The following SEPTIN11 variants were observed in gnomAD, a reference collection of about 807,000 sequenced individuals.
The protein encoded by SEPTIN11 is septin 11, also known as septin-11.
A neutral mutation model predicts 51.4 loss-of-function variants in SEPTIN11; 25 were observed. That is an observed-to-expected ratio of 0.49 (90% CI 0.35 to 0.68). The LOEUF is 0.68. Ranked by LOEUF, SEPTIN11 falls within the 30% of genes least tolerant of loss-of-function variation. The pLI, the probability that SEPTIN11 is intolerant of heterozygous loss-of-function variation, is 0.00. For missense variants in SEPTIN11, 381 were observed against 520.8 expected (o/e 0.73, Z 2.61); for synonymous variants, 174 against 184.1 (o/e 0.95, Z 0.44).
intron 3 of SEPTIN11, among the ~76,000 whole-genome samples, chr4:77,007,211 G>T (rs1177268035): frequency 6.6e-6 from 1 of 152,206 alleles, no homozygotes; most frequent in Non-Finnish European, 1.5e-5. Flanking sequence ...AGTGCATTGT[G>T]GGAGCTGGGA....
chr4:77,006,149 T>C lies in SEPTIN11; in HGVS notation c.338+353T>C, dbSNP rs151183496. 4.4e-3 allele frequency among the ~76,000 whole-genome samples: 674 copies of C among 152,192 alleles called. 16 individuals carry two copies. The highest frequency in any genetic ancestry group is 0.035 in the Admixed American group (540 of 15,278). On this transcript the variant is annotated intron_variant, in intron 3 of 9. Transcript: ENST00000264893. Reference sequence around the variant, plus strand: ...ACCCAGCCACCCTACAGAACAGTTTTAGCAGAAACCCCAGCCATCAATCAC... The same window carrying C: ...ACCCAGCCACCCTACAGAACAGTTTCAGCAGAAACCCCAGCCATCAATCAC...
intron 1 of SEPTIN11, among the ~76,000 whole-genome samples, chr4:76,978,154 C>G (rs907717267): frequency 2.0e-5 from 3 of 152,140 alleles, no homozygotes; most frequent in Non-Finnish European, 4.4e-5. Flanking sequence ...TTAATCTGTA[C>G]TCTCTGGGTT....
chr4:77,001,585 G>T (rs554660716), intron 2 of SEPTIN11, among the ~76,000 whole-genome samples: 2 of 152,078 alleles, frequency 1.3e-5, no homozygotes, highest in African/African-American at 4.8e-5. Context: ...CCTGACCTCA[G>T]GTGATCCGCC....
Position 76,975,274 on chromosome 4 carries a change from G to A in SEPTIN11, c.28-21151G>A, listed in dbSNP as rs148289539. ...TTGCGGACAACATAGAACGTGGTTG[G>A]AAAACTCTTTCTACCATCCCAAAGT... On this transcript the variant is annotated intron_variant, in intron 1 of 9. Transcript: ENST00000264893. Among the ~76,000 whole-genome samples the A allele has an allele frequency of 3.9e-3, 600 of 152,184 alleles. 3 individuals are homozygous for A. Among genetic ancestry groups the A allele is most frequent in the Middle Eastern group, 0.014 (4 of 294 alleles).
intron 2 of SEPTIN11, among the ~76,000 whole-genome samples, chr4:76,997,731 C>T (rs1723820747): frequency 6.6e-6 from 1 of 152,138 alleles, no homozygotes; most frequent in Non-Finnish European, 1.5e-5. Flanking sequence ...TACAGAGTGG[C>T]GTGAATGGGT....
In SEPTIN11 at chr4:76,969,154, C is replaced by T. The variant is rs567291921; in HGVS notation, c.27+19224C>T. On this transcript the variant is annotated intron_variant, in intron 1 of 9. Transcript: ENST00000264893. The stretch of plus-strand genomic sequence containing the variant: ...CAGGCCAACAGAAGCAAGTTGGCGG[C>T]GGGAGCTCTTTTCATGCTCAGTCTT... Among the ~76,000 whole-genome samples, 298 of 152,218 alleles carry T rather than the reference C, an allele frequency of 2.0e-3. 3 individuals are homozygous for T. The highest frequency in any genetic ancestry group is 6.6e-3 in the African/African-American group (276 of 41,530).
Position 77,020,671 on chromosome 4 carries a change from G to T in SEPTIN11, c.953+1G>T. On this transcript the variant is annotated splice_donor_variant, in intron 7 of 9. Transcript: ENST00000264893. LOFTEE classifies it high-confidence loss of function. ...CTGACCCTGACAGCAAACCCTTCAG[G>T]TATGAAGGCATCTAGCAATCAGGTG... The T allele has an allele frequency of 6.2e-7, 1 of 1,613,350 alleles. No homozygotes were observed. Among genetic ancestry groups the T allele is most frequent in the Non-Finnish European group, 8.5e-7 (1 of 1,179,584 alleles).
At chr4:76,986,913 T>C in intron 1 of SEPTIN11, among the ~76,000 whole-genome samples, 1 of 152,192 alleles carries the variant, frequency 6.6e-6, no homozygotes, top group African/African-American at 2.4e-5. Context: ...AATTAAAAGG[T>C]AACATTTCCC....
chr4:77,020,622 T>A lies in SEPTIN11; in HGVS notation c.905T>A (p.Leu302His). The change falls in exon 7 of 10, where the codon CTT (leucine) becomes CAT (histidine). Residue 302 changes from leucine to histidine, a missense_variant. Leu to His is a moderately conservative substitution (Grantham distance 99). Transcript: ENST00000264893. ...TATGAATTGTACCGACGCTGTAAGC[T>A]TGAAGAGATGGGGTTCAAGGACACT... is the stretch of plus-strand genomic sequence containing the variant. ...RHYELYRRCKLEEMGFKDTDP... is the reference protein window; with the variant it reads ...RHYELYRRCKHEEMGFKDTDP... 6.2e-7 allele frequency: 1 copy of A among 1,614,064 alleles called. No homozygotes were observed. The highest frequency in any genetic ancestry group is 8.5e-7 in the Non-Finnish European group (1 of 1,180,002).
At chr4:76,998,919 A>C (rs1334204676) in intron 2 of SEPTIN11, among the ~76,000 whole-genome samples, 2 of 152,132 alleles carry the variant, frequency 1.3e-5, no homozygotes, top group Non-Finnish European at 2.9e-5. Context: ...TTCACTCCAA[A>C]ACATACAAGG....
At chr4:76,955,672 A>G (rs991405350) in intron 1 of SEPTIN11, among the ~76,000 whole-genome samples, 8 of 152,228 alleles carry the variant, frequency 5.3e-5, no homozygotes, top group Admixed American at 5.2e-4. Context: ...ATTCTTCAGG[A>G]TTCAATAGGA....
chr4:76,958,633 A>G (rs958364514), intron 1 of SEPTIN11, among the ~76,000 whole-genome samples: 1 of 152,134 alleles, frequency 6.6e-6, no homozygotes, highest in African/African-American at 2.4e-5. Context: ...ATACTAAGCT[A>G]CTTTGGATGT....
At position 77,030,788 on chromosome 4, in the gene SEPTIN11, C is replaced by T. The variant is rs756552277; in HGVS notation, c.1092C>T (p.His364=). 24 of 1,584,242 alleles carry T rather than the reference C, an allele frequency of 1.5e-5. No homozygotes were observed. Among genetic ancestry groups the T allele is most frequent in the Middle Eastern group, 1.7e-4 (1 of 5,896 alleles). Residue 364 remains histidine (H), a synonymous_variant, in exon 9 of 10, where the codon CAC becomes CAT. Coordinates refer to ENST00000264893, the MANE Select transcript of SEPTIN11 (RefSeq NM_018243.4). ...TGTTTTCTTTTTCTCTCCAGCTTCA[C>T]GAGAAGTTTGACCTTCTAAAGCGGA... The part of the protein sequence containing the change: ...AELKEAEKEL[H]EKFDLLKRTH...
At chr4:77,039,649 A>T (rs940081996), downstream of SEPTIN11, 424 of 514,874 alleles carry the variant, frequency 8.2e-4, 2 homozygotes, top group South Asian at 7.4e-3. Context: ...TGGGGTTTTT[A>T]AAAAAAAAAA....
chr4:76,993,193 C>G (rs747266248), intron 1 of SEPTIN11, among the ~76,000 whole-genome samples: 9 of 152,060 alleles, frequency 5.9e-5, no homozygotes, highest in Non-Finnish European at 1.3e-4. Flanking sequence ...TCAAGCATGG[C>G]TAAGTACTGT....
chr4:76,996,288 A>T lies in SEPTIN11; in HGVS notation c.28-137A>T, dbSNP rs539375703. 4 of 681,680 alleles carry T rather than the reference A, an allele frequency of 5.9e-6. No homozygotes were observed. In the East Asian group the frequency reaches 1.1e-4, roughly 18 times the overall value. 42.2% of individuals were successfully genotyped at this position (681,680 alleles called of 1,614,324 possible). A position where few individuals can be genotyped will look rare whatever the true frequency, so the allele number is the denominator to read the frequency against. ...TTGTTAGTGCCCTCAGCTGTGTAGA[A>T]GCCAAGGCAGCTGTGGAGGGTCTCC... On this transcript the variant is annotated intron_variant, in intron 1 of 9. Transcript: ENST00000264893.
intron 5 of SEPTIN11, among the ~76,000 whole-genome samples, chr4:77,018,294 C>A (rs1255830973): frequency 6.6e-6 from 1 of 152,026 alleles, no homozygotes; most frequent in South Asian, 2.1e-4. Flanking sequence ...ACTAAAAATA[C>A]AAAAATTAGC....
At position 77,028,657 on chromosome 4, in the gene SEPTIN11, A is replaced by G; in HGVS notation, c.982A>G (p.Asn328Asp). 1 of 1,613,064 alleles carries G rather than the reference A, an allele frequency of 6.2e-7. No homozygotes were observed. The highest frequency in any genetic ancestry group is 8.5e-7 in the Non-Finnish European group (1 of 1,179,576). Reference protein sequence around the residue: ...SLQETYEAKRNEFLGELQKKE... With the variant: ...SLQETYEAKRDEFLGELQKKE... Reference sequence around the variant, plus strand: ...TCAGGAGACATATGAAGCAAAAAGGAATGAATTCCTGGGAGAACTGCAGAA... The same window carrying G: ...TCAGGAGACATATGAAGCAAAAAGGGATGAATTCCTGGGAGAACTGCAGAA... The change falls in exon 8 of 10, where the codon AAT becomes GAT. Residue 328 changes from asparagine (N) to aspartate (D), a missense_variant. Around this residue, in one of 2 missense-constraint regions of SEPTIN11, gnomAD observed 197 missense variants for 313.1 expected, o/e 0.63. Transcript: ENST00000264893.
At chr4:77,011,642 C>A in intron 3 of SEPTIN11, 93 bp from the exon 4 acceptor site, 1 of 1,218,942 alleles carries the variant, frequency 8.2e-7, no homozygotes, top group Non-Finnish European at 1.2e-6. Flanking sequence ...TGGGCTTTAG[C>A]CCTTAGGAGA....
Sources: allele counts gnomAD v4.1 joint callset (sites outside exome capture counted in the v4.1 genomes callset), GRCh38; gene constraint gnomAD v4.1.1; regional missense constraint gnomAD v4.1.1; transcripts MANE v1.5; gene names NCBI Gene and HGNC (gene_info 2026-07-23, HGNC 2026-07-21).